NKAIN1: variants seen among roughly 807,000 people sequenced by gnomAD.
NKAIN1 encodes sodium/potassium transporting ATPase interacting 1.
NKAIN1 carries 13 observed loss-of-function variants against 31.6 expected under a neutral mutation model. The ratio of observed to expected loss-of-function variants is 0.41; its 90% CI spans 0.27 to 0.65. NKAIN1 has a LOEUF of 0.65. NKAIN1 is among the 30% of genes least tolerant of loss of function. The probability of loss-of-function intolerance (pLI) is 0.30; values close to 1 mark genes in which losing one functional copy is unlikely to be tolerated. For missense variants in NKAIN1, 193 were observed against 262.2 expected (o/e 0.74, Z 1.82); for synonymous variants, 104 against 109.0 (o/e 0.95, Z 0.28).
At chr1:31,192,075 C>T (rs974752159) in intron 1 of NKAIN1, among the ~76,000 whole-genome samples, 1 of 152,174 alleles carries the variant, frequency 6.6e-6, no homozygotes, top group Admixed American at 6.5e-5. Context: ...TGCGCTGGGC[C>T]TCCCTTTGGC....
chr1:31,201,514 A>G (rs1445406200), intron 1 of NKAIN1, among the ~76,000 whole-genome samples: 1 of 114,640 alleles, frequency 8.7e-6, no homozygotes, highest in Non-Finnish European at 2.0e-5. Context: ...GCCCGCCACC[A>G]TGCCCGGCTA....
intron 1 of NKAIN1, among the ~76,000 whole-genome samples, chr1:31,190,760 G>A (rs1260885806): frequency 6.6e-6 from 1 of 152,094 alleles, no homozygotes; most frequent in Non-Finnish European, 1.5e-5. Context: ...CTTGTCCAGG[G>A]GCCTCTGCCA....
intron 1 of NKAIN1, among the ~76,000 whole-genome samples, chr1:31,235,971 G>T (rs545984236): frequency 2.0e-5 from 3 of 152,160 alleles, no homozygotes; most frequent in Non-Finnish European, 2.9e-5. Context: ...GAATCATTAA[G>T]ATAATAACAA....
At chr1:31,224,687 C>T (rs1412157771) in intron 1 of NKAIN1, among the ~76,000 whole-genome samples, 1 of 152,226 alleles carries the variant, frequency 6.6e-6, no homozygotes, top group Non-Finnish European at 1.5e-5. Context: ...GTGCCCTGCC[C>T]GGGGCCTCAG....
At chr1:31,219,917 G>C (rs1276373798) in intron 1 of NKAIN1, among the ~76,000 whole-genome samples, 1 of 152,124 alleles carries the variant, frequency 6.6e-6, no homozygotes, top group Non-Finnish European at 1.5e-5. Context: ...AGTGCAGTAA[G>C]GTCTGTGAAA....
chr1:31,232,790 A>G (rs1454886943), intron 1 of NKAIN1, among the ~76,000 whole-genome samples: 1 of 152,088 alleles, frequency 6.6e-6, no homozygotes, highest in Non-Finnish European at 1.5e-5. Context: ...TCCAGATTTT[A>G]TAACAATTGT....
In NKAIN1 at chr1:31,233,790, G is replaced by A. The variant is rs1378184975; in HGVS notation, c.54+5704C>T. On this transcript the variant is annotated intron_variant, in intron 1 of 6. Transcript: ENST00000373736. The surrounding 1 kb of genome is among the most constrained non-coding windows in gnomAD (Gnocchi z 4.0). ...CCAGGGACCGTACTTGGCTATCCCG[G>A]CATCAACTTGCGAATTCCCCAAACT... Among the ~76,000 whole-genome samples, 2 of 152,176 alleles carry A rather than the reference G, an allele frequency of 1.3e-5. No individual in the cohort carries two copies. The highest frequency in any genetic ancestry group is 2.1e-4 in the South Asian group (1 of 4,834).
intron 1 of NKAIN1, among the ~76,000 whole-genome samples, chr1:31,205,894 A>G (rs1645420101): frequency 6.7e-6 from 1 of 149,958 alleles, no homozygotes; most frequent in African/African-American, 2.4e-5. Flanking sequence ...AAATGCTGGG[A>G]TTAAAAGCAT....
intron 1 of NKAIN1, among the ~76,000 whole-genome samples, chr1:31,238,300 T>C (rs1244594639): frequency 6.6e-6 from 1 of 152,122 alleles, no homozygotes; most frequent in Non-Finnish European, 1.5e-5. Context: ...CATTGGCTCC[T>C]GTGGTGGGGA....
intron 1 of NKAIN1, among the ~76,000 whole-genome samples, chr1:31,191,400 G>GTTTTT (rs34521416): frequency 7.5e-6 from 1 of 134,134 alleles, no homozygotes; most frequent in Non-Finnish European, 1.6e-5. Flanking sequence ...ACAGAGAGAG[G>GTTTTT]TTTTTTTTTT....
chr1:31,205,186 A>G (rs930920585), intron 1 of NKAIN1, among the ~76,000 whole-genome samples: 2 of 152,008 alleles, frequency 1.3e-5, no homozygotes, highest in Non-Finnish European at 2.9e-5. Context: ...GCTGGAATAC[A>G]ATGGCTCGAT....
At chr1:31,187,901 T>C (rs1645257081) in intron 2 of NKAIN1, 149 bp downstream of exon 2, 1 of 783,934 alleles carries the variant, frequency 1.3e-6, no homozygotes, top group Admixed American at 3.2e-5. Flanking sequence ...AGCATGGGGC[T>C]GTGCACATTC....
chr1:31,221,303 G>A (rs1356906987), intron 1 of NKAIN1, among the ~76,000 whole-genome samples: 1 of 152,166 alleles, frequency 6.6e-6, no homozygotes, highest in Non-Finnish European at 1.5e-5. Flanking sequence ...CTCTGGTCTA[G>A]ACGAATAATT....
intron 1 of NKAIN1, among the ~76,000 whole-genome samples, chr1:31,229,336 C>A (rs55781513): frequency 0.097 from 14,748 of 152,060 alleles, 1,261 homozygotes; most frequent in African/African-American, 0.23. Context: ...AGCTCTGAAT[C>A]TCTGTAGTTT....
At chr1:31,182,475 G>A in intron 5 of NKAIN1, 55 bp downstream of exon 5, 1 of 1,597,772 alleles carries the variant, frequency 6.3e-7, no homozygotes, top group Admixed American at 1.7e-5. Context: ...CCTCTGTCCA[G>A]GGTGCTGAAG....
chr1:31,189,965 CA>C (rs1347608359), intron 1 of NKAIN1, among the ~76,000 whole-genome samples: 2 of 152,170 alleles, frequency 1.3e-5, no homozygotes, highest in East Asian at 3.9e-4. Context: ...GAAGACTGAA[CA>C]CACAAGGGAA....
chr1:31,222,947 T>G (rs1645575038), intron 1 of NKAIN1, among the ~76,000 whole-genome samples: 1 of 152,162 alleles, frequency 6.6e-6, no homozygotes, highest in African/African-American at 2.4e-5. Context: ...GCATCTGAAG[T>G]GAGATGCACA....
intron 2 of NKAIN1, among the ~76,000 whole-genome samples, chr1:31,186,400 T>G (rs1213041963): frequency 6.7e-6 from 1 of 148,306 alleles, no homozygotes; most frequent in Non-Finnish European, 1.5e-5. Flanking sequence ...TTGTGTTTTT[T>G]TTTTTTTTTT....
chr1:31,222,428 A>T (rs1645571414), intron 1 of NKAIN1, among the ~76,000 whole-genome samples: 1 of 152,250 alleles, frequency 6.6e-6, no homozygotes, highest in South Asian at 2.1e-4. Context: ...AAGGGGGCAC[A>T]GTCCTACAGA....
Sources: allele counts gnomAD v4.1 joint callset (sites outside exome capture counted in the v4.1 genomes callset), GRCh38; gene constraint gnomAD v4.1.1; non-coding constraint Gnocchi (gnomAD v3.1); transcripts MANE v1.5; gene names NCBI Gene and HGNC (gene_info 2026-07-23, HGNC 2026-07-21).